ART3: variants seen among roughly 807,000 people sequenced by gnomAD.
ART3 encodes ecto-ADP-ribosyltransferase 3.
A neutral mutation model predicts 48.5 loss-of-function variants in ART3; 49 were observed. The observed-to-expected ratio is 1.01, with a 90% confidence interval of 0.80 to 1.28. The LOEUF (loss-of-function observed/expected upper bound fraction) is 1.28. ART3 is among the 50% of genes most tolerant of loss of function. The pLI, the probability that ART3 is intolerant of heterozygous loss-of-function variation, is 0.00. For synonymous variants in ART3, 145 were observed against 157.2 expected (o/e 0.92, Z 0.58); for missense variants, 438 against 454.3 (o/e 0.96, Z 0.33).
rs1722617845 is a variant in ART3 at position 76,082,109 on chromosome 4, G to A, written c.355G>A (p.Val119Met). Residue 119 changes from valine (V) to methionine (M), a missense_variant, in exon 3 of 12, where the codon GTG (valine) becomes ATG (methionine). By Grantham distance (21) the Val-to-Met change is conservative. Coordinates refer to ENST00000355810, the MANE Select transcript of ART3 (RefSeq NM_001130016.3). ...CTTTTACCATCTGTTCAGTGAAGCT[G>A]TGAAGATGGCTGGCCAATCTCGAGA... is the stretch of plus-strand genomic sequence containing the variant. ...TPFYHLFSEA[V>M]KMAGQSREDY... is the part of the protein sequence containing the mutation. The A allele has an allele frequency of 1.2e-6, 2 of 1,614,114 alleles. No homozygotes were observed. The highest frequency in any genetic ancestry group is 2.7e-5 in the African/African-American group (2 of 74,936).
In ART3 at chr4:76,081,445, A is replaced by G. The variant is rs540970070; in HGVS notation, c.70-379A>G. On this transcript the variant is annotated intron_variant, in intron 2 of 11. Transcript: ENST00000355810. ...TCATGAATAATATTTTGCATATGATACTTCAAATTCCCAACAGCCTTGAAG... is the reference window on the plus strand; with the variant it reads ...TCATGAATAATATTTTGCATATGATGCTTCAAATTCCCAACAGCCTTGAAG... Among the ~76,000 whole-genome samples the G allele has an allele frequency of 6.6e-5, 10 of 152,350 alleles. No homozygotes were observed. In the East Asian group the frequency reaches 1.9e-3, roughly 29 times the overall value.
At chr4:76,092,373 G>T (rs914909161) in intron 3 of ART3, among the ~76,000 whole-genome samples, 10 of 152,122 alleles carry the variant, frequency 6.6e-5, no homozygotes, top group Non-Finnish European at 5.9e-5. Context: ...TTCACCTTCA[G>T]TTTTGAAAGC....
At chr4:76,017,349 G>A (rs970834271) in intron 1 of ART3, among the ~76,000 whole-genome samples, 7 of 151,866 alleles carry the variant, frequency 4.6e-5, no homozygotes, top group Non-Finnish European at 1.0e-4. Context: ...TCTGGCCCAG[G>A]GCATGTCTAG....
At chr4:76,073,109 T>A (rs1272638899), upstream of ART3, among the ~76,000 whole-genome samples, 1 of 152,222 alleles carries the variant, frequency 6.6e-6, no homozygotes, top group Non-Finnish European at 1.5e-5. Context: ...AATATAAACT[T>A]CACAAAGGCA....
At chr4:76,035,157 G>T in intron 1 of ART3, 1 of 1,612,670 alleles carries the variant, frequency 6.2e-7, no homozygotes, top group Non-Finnish European at 8.5e-7. Flanking sequence ...AAGTTTAGAT[G>T]CAAATACATA....
At chr4:76,100,718 A>G in intron 6 of ART3, 77 bp from the exon 7 acceptor site, 1 of 1,497,292 alleles carries the variant, frequency 6.7e-7, no homozygotes, top group Non-Finnish European at 9.1e-7. Flanking sequence ...TCTTGCAAAT[A>G]ATTTTGCTGT....
rs867727088 is a variant in ART3, at chr4:76,112,419, G to A, written c.1070G>A (p.Ser357Asn). The A allele has an allele frequency of 1.2e-6, 2 of 1,614,022 alleles. No individual in the cohort carries two copies. Among genetic ancestry groups the A allele is most frequent in the Non-Finnish European group, 8.5e-7 (1 of 1,179,972 alleles). Reference protein sequence around the residue: ...PGPVPVPGPKSHPSASSGKLL... With the variant: ...PGPVPVPGPKNHPSASSGKLL... Reference sequence around the variant, plus strand: ...CCAGTTCCTGTTCCAGGTCCCAAAAGCCATCCTTCTGCATCCTCGGGCAAA... The same window carrying A: ...CCAGTTCCTGTTCCAGGTCCCAAAAACCATCCTTCTGCATCCTCGGGCAAA... The change falls in exon 12 of 12, where the codon AGC becomes AAC. Residue 357 changes from serine to asparagine, a missense_variant. Ser to Asn is a conservative substitution (Grantham distance 46, BLOSUM62 1). Transcript: ENST00000355810.
intron 1 of ART3, among the ~76,000 whole-genome samples, chr4:76,028,630 C>T (rs547904539): frequency 6.6e-6 from 1 of 152,332 alleles, no homozygotes; most frequent in East Asian, 1.9e-4. Flanking sequence ...CAGAATATGC[C>T]TTGGAAAGTA....
At chr4:76,048,775 T>C (rs1418183302) in intron 1 of ART3, among the ~76,000 whole-genome samples, 1 of 151,410 alleles carries the variant, frequency 6.6e-6, no homozygotes. Context: ...TTGCCTGTCT[T>C]CCTAGACCAC....
chr4:76,055,655 T>A (rs1348734956), intron 1 of ART3, among the ~76,000 whole-genome samples: 2 of 152,174 alleles, frequency 1.3e-5, no homozygotes, highest in African/African-American at 4.8e-5. Context: ...GAAGACTAAA[T>A]GTGGAACAAT....
At chr4:76,079,931 CAG>C (rs546610994) in intron 2 of ART3, among the ~76,000 whole-genome samples, 85 of 149,592 alleles carry the variant, frequency 5.7e-4, no homozygotes, top group Middle Eastern at 3.5e-3. Flanking sequence ...CACACACACA[CAG>C]AGAGAGAGAG....
intron 1 of ART3, among the ~76,000 whole-genome samples, chr4:76,039,368 A>G (rs1734741833): frequency 6.6e-6 from 1 of 152,176 alleles, no homozygotes; most frequent in Non-Finnish European, 1.5e-5. Flanking sequence ...AAAAGAGGTA[A>G]TGCATATTAA....
Position 76,098,922 on chromosome 4 carries a change from G to A in ART3, c.815-33G>A, listed in dbSNP as rs997602714. ...ATCCTGACATTCACATCTGAGCATAGTACCATGTAATGAAAACATGTCTGT... is the reference window on the plus strand; with the variant it reads ...ATCCTGACATTCACATCTGAGCATAATACCATGTAATGAAAACATGTCTGT... On this transcript the variant is annotated intron_variant, in intron 4 of 11. Transcript: ENST00000355810. 3.8e-6 allele frequency: 6 copies of A among 1,571,650 alleles called. No homozygotes were observed. In the Admixed American group the frequency reaches 8.4e-5, roughly 22 times the overall value.
chr4:76,053,901 ATGG>A (rs1372846973), intron 1 of ART3, among the ~76,000 whole-genome samples: 1 of 152,246 alleles, frequency 6.6e-6, no homozygotes, highest in East Asian at 1.9e-4. Flanking sequence ...AGCTCTGTGC[ATGG>A]CCTTTAGTTG....
At chr4:76,017,622 C>T (rs1229693316) in intron 1 of ART3, among the ~76,000 whole-genome samples, 1 of 152,092 alleles carries the variant, frequency 6.6e-6, no homozygotes, top group Non-Finnish European at 1.5e-5. Flanking sequence ...TGTGCACTCC[C>T]CAAGTCCACT....
chr4:76,070,355 T>C (rs1720191079), upstream of ART3, among the ~76,000 whole-genome samples: 1 of 152,238 alleles, frequency 6.6e-6, no homozygotes. Context: ...CAACATTTTA[T>C]GTTGTTAGTC....
intron 11 of ART3, among the ~76,000 whole-genome samples, chr4:76,109,317 G>A (rs866244873): frequency 2.2e-4 from 33 of 151,660 alleles, no homozygotes; most frequent in African/African-American, 8.0e-4. Context: ...GGCCTATACA[G>A]GGTCAGGATC....
rs532502186 is a variant in ART3 at position 76,091,944 on chromosome 4, A to G, written c.782-5700A>G. Among the ~76,000 whole-genome samples, 58 of 152,232 alleles carry G rather than the reference A, an allele frequency of 3.8e-4. No individual in the cohort carries two copies. The Middle Eastern group carries it at 0.014, about 36-fold the overall frequency. ...GTGATCCACCTGCCTCAGCCTCCCA[A>G]AGTGCTGGGATTATAGGTGTGAGCC... On this transcript the variant is annotated intron_variant, in intron 3 of 11. Coordinates refer to ENST00000355810, the MANE Select transcript of ART3 (RefSeq NM_001130016.3).
At chr4:76,024,119 A>G (rs1364691385) in intron 1 of ART3, among the ~76,000 whole-genome samples, 1 of 152,216 alleles carries the variant, frequency 6.6e-6, no homozygotes, top group African/African-American at 2.4e-5. Flanking sequence ...GAGGGAAAAC[A>G]TTGCTCATTT....
Sources: allele counts gnomAD v4.1 joint callset (sites outside exome capture counted in the v4.1 genomes callset), GRCh38; gene constraint gnomAD v4.1.1; transcripts MANE v1.5; gene names NCBI Gene and HGNC (gene_info 2026-07-23, HGNC 2026-07-21).